TRAF3: variants seen among roughly 807,000 people sequenced by gnomAD.
TRAF3 encodes TNF receptor associated factor 3.
A neutral mutation model predicts 62.3 loss-of-function variants in TRAF3; 13 were observed. The observed-to-expected ratio is 0.21, with a 90% confidence interval of 0.14 to 0.33. The LOEUF is 0.33. Among genes scored for constraint, TRAF3 ranks in the 10% least tolerant of loss-of-function variants. TRAF3 has a pLI of 1.00. For synonymous variants in TRAF3, 269 were observed against 283.4 expected (o/e 0.95, Z 0.51); for missense variants, 440 against 741.8 (o/e 0.59, Z 4.73).
intron 1 of TRAF3, among the ~76,000 whole-genome samples, chr14:102,823,884 T>TCAGC (rs5811083): frequency 0.52 from 79,536 of 151,512 alleles, 22,914 homozygotes; most frequent in Middle Eastern, 0.73. Context: ...CTGTGTGCAG[T>TCAGC]CTCTGTCACT....
chr14:102,883,665 A>G (rs776527343), intron 6 of TRAF3, among the ~76,000 whole-genome samples: 26 of 151,960 alleles, frequency 1.7e-4, no homozygotes, highest in Non-Finnish European at 2.6e-4. Context: ...GGCTCACTGT[A>G]ACCTTCGCCT....
intron 2 of TRAF3, among the ~76,000 whole-genome samples, chr14:102,855,939 A>G (rs899486402): frequency 6.6e-6 from 1 of 152,008 alleles, no homozygotes; most frequent in African/African-American, 2.4e-5. Flanking sequence ...AGACAATAAA[A>G]TAACTAGCTG....
intron 1 of TRAF3, among the ~76,000 whole-genome samples, chr14:102,798,538 G>A (rs1898222017): frequency 6.6e-6 from 1 of 152,174 alleles, no homozygotes; most frequent in African/African-American, 2.4e-5. Flanking sequence ...TCCTCAGGAG[G>A]CTGAGGTAGG....
rs1417358056 is a variant in TRAF3, at chr14:102,826,840, G to C, written c.-156-3494G>C. On this transcript the variant is annotated intron_variant, in intron 1 of 11. Transcript: ENST00000392745. This position sits in a 1 kb window ranked among gnomAD's most constrained non-coding sequence, Gnocchi z 4.6. ...GCCAAAGGACAGCTGTTACTTATGG[G>C]TGGCGGCGTGGTGAGGTCGCACAAC... 6.6e-6 allele frequency among the ~76,000 whole-genome samples: 1 copy of C among 152,174 alleles called. No homozygotes were observed. Among genetic ancestry groups the C allele is most frequent in the Admixed American group, 6.5e-5 (1 of 15,284 alleles).
At chr14:102,853,890 A>G (rs1302959912) in intron 2 of TRAF3, among the ~76,000 whole-genome samples, 1 of 151,956 alleles carries the variant, frequency 6.6e-6, no homozygotes, top group Non-Finnish European at 1.5e-5. Flanking sequence ...CTAATTTCAG[A>G]ATATTTCATC....
chr14:102,835,287 C>T (rs1257867701), intron 2 of TRAF3, among the ~76,000 whole-genome samples: 1 of 147,044 alleles, frequency 6.8e-6, no homozygotes, highest in Non-Finnish European at 1.5e-5. Flanking sequence ...AAAGGGAATC[C>T]TAATACACTG....
chr14:102,889,831 C>T (rs1439032022), intron 8 of TRAF3, among the ~76,000 whole-genome samples, 197 bp downstream of exon 8: 2 of 152,186 alleles, frequency 1.3e-5, no homozygotes, highest in East Asian at 3.8e-4. Flanking sequence ...TTTGAGACTT[C>T]AGGGAGACAC....
chr14:102,812,030 T>C (rs1032430984), intron 1 of TRAF3, among the ~76,000 whole-genome samples: 1 of 139,304 alleles, frequency 7.2e-6, no homozygotes, highest in Non-Finnish European at 1.5e-5. Flanking sequence ...CCCAAAACAC[T>C]GGTATTACAG....
chr14:102,886,409 C>A, intron 7 of TRAF3, 140 bp downstream of exon 7: 4 of 751,300 alleles, frequency 5.3e-6, no homozygotes, highest in Admixed American at 2.3e-5. Flanking sequence ...AAAACCACAG[C>A]AAAAAGCCTT....
intron 1 of TRAF3, among the ~76,000 whole-genome samples, chr14:102,788,284 A>G (rs1406678085): frequency 1.3e-5 from 2 of 152,220 alleles, no homozygotes; most frequent in African/African-American, 2.4e-5. Context: ...CAAAATTCAC[A>G]TAACATACAA....
At chr14:102,876,814 C>T (rs189227665) in intron 6 of TRAF3, 307 of 427,252 alleles carry the variant, frequency 7.2e-4, no homozygotes, top group African/African-American at 5.4e-3. Flanking sequence ...CCGCTCAATT[C>T]GTAGATAATC....
At chr14:102,825,071 G>C (rs1029023242) in intron 1 of TRAF3, among the ~76,000 whole-genome samples, 1 of 152,202 alleles carries the variant, frequency 6.6e-6, no homozygotes, top group Admixed American at 6.5e-5. Context: ...AGGAGTGAGC[G>C]GTTGGTTAGG....
intron 4 of TRAF3, among the ~76,000 whole-genome samples, chr14:102,874,138 G>A (rs868728631): frequency 1.3e-5 from 2 of 152,272 alleles, no homozygotes; most frequent in East Asian, 1.9e-4. Flanking sequence ...GGAGGCATGC[G>A]CCTGTAGTTC....
chr14:102,870,277 A>C lies in TRAF3; in HGVS notation c.76A>C (p.Ser26Arg), dbSNP rs375545964. The C allele has an allele frequency of 1.6e-5, 26 of 1,614,112 alleles. No individual in the cohort carries two copies. The highest frequency in any genetic ancestry group is 2.2e-5 in the Non-Finnish European group (26 of 1,180,050). Residue 26 changes from serine to arginine, a missense_variant, in exon 3 of 12, where the codon AGT (serine) becomes CGT (arginine). Around this residue, in one of 6 missense-constraint regions of TRAF3, gnomAD observed 40 missense variants for 38.3 expected, o/e 1.05. Coordinates refer to ENST00000392745, the MANE Select transcript of TRAF3 (RefSeq NM_145725.3). ...NPPLKLHTDRSAGTPVFVPEQ... is the reference protein window; with the variant it reads ...NPPLKLHTDRRAGTPVFVPEQ... ...GCCGCTAAAGCTGCACACTGACCGC[A>C]GTGCTGGGACGCCAGTTTTTGTCCC...
At chr14:102,862,094 A>G (rs1403601791) in intron 2 of TRAF3, among the ~76,000 whole-genome samples, 3 of 152,096 alleles carry the variant, frequency 2.0e-5, no homozygotes, top group Admixed American at 1.3e-4. Context: ...TGTTGCTTAT[A>G]CTTTTGTTGT....
chr14:102,828,440 C>G (rs1900458652), intron 1 of TRAF3, among the ~76,000 whole-genome samples: 2 of 152,188 alleles, frequency 1.3e-5, no homozygotes, highest in Admixed American at 1.3e-4. Context: ...GTACGCGATT[C>G]TGTGAATGCT....
intron 7 of TRAF3, 76 bp downstream of exon 7, chr14:102,886,345 C>A: frequency 7.7e-7 from 1 of 1,304,264 alleles, no homozygotes; most frequent in Non-Finnish European, 1.1e-6. Flanking sequence ...CCCTGCATAG[C>A]CGAAGCCTCA....
intron 1 of TRAF3, among the ~76,000 whole-genome samples, 161 bp downstream of exon 1, chr14:102,777,836 C>T (rs555897864): frequency 4.5e-4 from 66 of 146,432 alleles, no homozygotes; most frequent in Admixed American, 6.1e-4. Context: ...GCGGCGACGG[C>T]GGGGCGCGGC....
At chr14:102,809,110 C>G (rs557740337) in intron 1 of TRAF3, 1 of 152,328 alleles carries the variant, frequency 6.6e-6, no homozygotes, top group East Asian at 1.9e-4. Flanking sequence ...CCTCAGCCTC[C>G]CAAGTAGCTG....
Sources: allele counts gnomAD v4.1 joint callset (sites outside exome capture counted in the v4.1 genomes callset), GRCh38; gene constraint gnomAD v4.1.1; regional missense constraint gnomAD v4.1.1; non-coding constraint Gnocchi (gnomAD v3.1); transcripts MANE v1.5; gene names NCBI Gene and HGNC (gene_info 2026-07-23, HGNC 2026-07-21).